CCDC158: variants seen among roughly 807,000 people sequenced by gnomAD.
CCDC158 encodes coiled-coil domain-containing protein 158.
In CCDC158, 116 loss-of-function variants were observed where a neutral mutation model predicts 138.6. The ratio of observed to expected loss-of-function variants is 0.84; its 90% CI spans 0.72 to 0.98. The LOEUF is 0.98. Among genes scored for constraint, CCDC158 ranks in the 50% least tolerant of loss-of-function variants. The pLI, the probability that CCDC158 is intolerant of heterozygous loss-of-function variation, is 0.00. For missense variants in CCDC158, 1,265 were observed against 1,306.1 expected (o/e 0.97, Z 0.48); for synonymous variants, 436 against 442.4 (o/e 0.99, Z 0.18).
chr4:76,371,130 G>T (rs1432773363), intron 10 of CCDC158, among the ~76,000 whole-genome samples: 1 of 152,114 alleles, frequency 6.6e-6, no homozygotes, highest in Non-Finnish European at 1.5e-5. Context: ...AAATGAACGT[G>T]TAACACTACT....
intron 8 of CCDC158, among the ~76,000 whole-genome samples, chr4:76,381,951 G>C (rs1011297116): frequency 6.6e-6 from 1 of 152,194 alleles, no homozygotes; most frequent in Non-Finnish European, 1.5e-5. Context: ...AAAGTGCTGG[G>C]AATATAGGCG....
At position 76,419,515 on chromosome 4, in the gene CCDC158, G is replaced by A. The variant is rs982733180; in HGVS notation, c.-117+1450C>T. Among the ~76,000 whole-genome samples, 9 of 152,210 alleles carry A rather than the reference G, an allele frequency of 5.9e-5. No homozygotes were observed. The East Asian group carries it at 1.7e-3, about 29-fold the overall frequency. The stretch of plus-strand genomic sequence containing the variant: ...GGGAAGAAAGCATGGTGTTGGCAGG[G>A]CTCCCTCCCTCCCTCTGGAGGCTCT... On this transcript the variant is annotated intron_variant, in intron 1 of 24. Transcript: ENST00000682701.
intron 9 of CCDC158, among the ~76,000 whole-genome samples, chr4:76,375,912 T>C (rs1457692013): frequency 6.6e-6 from 1 of 152,242 alleles, no homozygotes; most frequent in Admixed American, 6.5e-5. Context: ...TTTAGACCTG[T>C]CATGTCATCA....
At chr4:76,411,622 A>G (rs1460616447) in intron 2 of CCDC158, among the ~76,000 whole-genome samples, 1 of 152,216 alleles carries the variant, frequency 6.6e-6, no homozygotes, top group African/African-American at 2.4e-5. Context: ...TCACCCATAC[A>G]TAATACCATC....
chr4:76,369,703 G>A, intron 10 of CCDC158, 80 bp from the exon 11 acceptor site: 1 of 1,286,882 alleles, frequency 7.8e-7, no homozygotes, highest in Non-Finnish European at 1.1e-6. Flanking sequence ...TATCATATTT[G>A]GAGTTTTTAT....
intron 23 of CCDC158, 43 bp from the exon 24 acceptor site, chr4:76,323,452 A>G: frequency 7.1e-7 from 1 of 1,405,484 alleles, no homozygotes; most frequent in African/African-American, 1.5e-5. Flanking sequence ...AGTCTACTCA[A>G]CATTTCCTTT....
intron 24 of CCDC158, among the ~76,000 whole-genome samples, chr4:76,315,303 C>CTA (rs1719274338): frequency 2.0e-5 from 3 of 152,142 alleles, no homozygotes; most frequent in African/African-American, 7.2e-5. Context: ...CTAACTCTGC[C>CTA]CCAACCTGAT....
chr4:76,370,066 C>T (rs1003747390), intron 10 of CCDC158, among the ~76,000 whole-genome samples: 1 of 152,146 alleles, frequency 6.6e-6, no homozygotes, highest in Admixed American at 6.5e-5. Flanking sequence ...GGAGTAGCAT[C>T]TGGGCTGTGA....
At chr4:76,345,552 C>A in intron 18 of CCDC158, 1 of 1,041,540 alleles carries the variant, frequency 9.6e-7, no homozygotes, top group Non-Finnish European at 1.5e-6. Flanking sequence ...CAATGACTCC[C>A]TTTTGCAGAG....
chr4:76,396,042 A>T (rs951547947), intron 4 of CCDC158, among the ~76,000 whole-genome samples: 2 of 152,216 alleles, frequency 1.3e-5, no homozygotes, highest in African/African-American at 4.8e-5. Context: ...TGAAACCAAG[A>T]TGTTTTGAAT....
chr4:76,367,036 T>C (rs532165176), intron 12 of CCDC158, among the ~76,000 whole-genome samples: 1 of 152,322 alleles, frequency 6.6e-6, no homozygotes, highest in East Asian at 1.9e-4. Context: ...TCCTGTGGTA[T>C]CAGGAAAGAC....
chr4:76,350,978 A>G lies in CCDC158; in HGVS notation c.2664+18T>C. On this transcript the variant is annotated intron_variant, in intron 18 of 24. Coordinates refer to ENST00000682701, the MANE Select transcript of CCDC158 (RefSeq NM_001394954.1). ...GCATATGTCATTTGCGTAATGGATC[A>G]TAAGACTGGTTACTTACATGAGACA... is the stretch of plus-strand genomic sequence containing the variant. 6.2e-7 allele frequency: 1 copy of G among 1,611,476 alleles called. No individual in the cohort carries two copies. The highest frequency in any genetic ancestry group is 1.7e-4 in the Middle Eastern group (1 of 6,050).
chr4:76,363,283 C>T (rs1248770293), intron 12 of CCDC158, among the ~76,000 whole-genome samples: 3 of 152,138 alleles, frequency 2.0e-5, no homozygotes, highest in African/African-American at 7.2e-5. Flanking sequence ...CTTGCTGGGG[C>T]AGGGGGTGGA....
intron 4 of CCDC158, among the ~76,000 whole-genome samples, chr4:76,385,006 C>T (rs950908117): frequency 6.6e-6 from 1 of 152,054 alleles, no homozygotes; most frequent in African/African-American, 2.4e-5. Context: ...AAAGTCAATC[C>T]CTACCTCCTA....
In CCDC158 at chr4:76,351,708, T is replaced by A. The variant is rs1372016905; in HGVS notation, c.2538+12A>T. 1.3e-6 allele frequency: 2 copies of A among 1,558,882 alleles called. No individual in the cohort carries two copies. Among genetic ancestry groups the A allele is most frequent in the African/African-American group, 2.7e-5 (2 of 73,824 alleles). ...TTATTTTCGCTTAAACTAATATTTA[T>A]GATGACCTTACTTTTATATCCAAAG... On this transcript the variant is annotated intron_variant, in intron 17 of 24. Transcript: ENST00000682701.
chr4:76,395,313 G>C (rs1166017749), intron 4 of CCDC158, among the ~76,000 whole-genome samples: 1 of 151,956 alleles, frequency 6.6e-6, no homozygotes, highest in Non-Finnish European at 1.5e-5. Flanking sequence ...GTGCATACTG[G>C]GGTACATAAT....
At chr4:76,366,063 G>A (rs1182142009) in intron 12 of CCDC158, among the ~76,000 whole-genome samples, 1 of 152,048 alleles carries the variant, frequency 6.6e-6, no homozygotes, top group Admixed American at 6.6e-5. Flanking sequence ...TATAAGAGTG[G>A]GATTCTCCTG....
At chr4:76,367,803 A>T (rs775899298) in intron 11 of CCDC158, 27 bp from the exon 12 acceptor site, 2 of 1,576,998 alleles carry the variant, frequency 1.3e-6, no homozygotes, top group Non-Finnish European at 1.7e-6. Flanking sequence ...AGAGAATTTC[A>T]TAGATTTGGG....
At chr4:76,354,521 C>T (rs1460675050) in intron 15 of CCDC158, among the ~76,000 whole-genome samples, 12 of 152,124 alleles carry the variant, frequency 7.9e-5, no homozygotes, top group Admixed American at 4.6e-4. Context: ...CTGAAATAGA[C>T]GCTTTTTCCA....
Sources: gnomAD v4.1 joint callset for allele counts (sites outside exome capture counted in the v4.1 genomes callset) on GRCh38, gnomAD v4.1.1 for gene constraint, MANE v1.5 for transcripts, NCBI Gene and HGNC (gene_info 2026-07-23, HGNC 2026-07-21) for gene names.